KDM4A: variants seen among roughly 807,000 people sequenced by gnomAD.
The protein encoded by KDM4A is lysine demethylase 4A.
A neutral mutation model predicts 127.1 loss-of-function variants in KDM4A; 23 were observed. The observed-to-expected ratio is 0.18, with a 90% CI of 0.13 to 0.26. The LOEUF is 0.26. Among genes scored for constraint, KDM4A ranks in the 10% least tolerant of loss-of-function variants. The probability of loss-of-function intolerance (pLI) is 1.00; values close to 1 mark genes in which losing one functional copy is unlikely to be tolerated. For synonymous variants in KDM4A, 443 were observed against 466.5 expected (o/e 0.95, Z 0.65); for missense variants, 890 against 1,329.1 (o/e 0.67, Z 5.14).
rs1396514705 is a variant in KDM4A at position 43,691,580 on chromosome 1, A to T, written c.2319+8A>T. Reference sequence around the variant, plus strand: ...GCCAATGCCCTAGAGGAGGTGAGTGATCCCACACTGTTACTGTCTTCACCA... The same window carrying T: ...GCCAATGCCCTAGAGGAGGTGAGTGTTCCCACACTGTTACTGTCTTCACCA... On this transcript the variant is annotated splice_region_variant and intron_variant, in intron 15 of 21. Transcript: ENST00000372396. The T allele has an allele frequency of 3.1e-6, 5 of 1,610,946 alleles. No homozygotes were observed. The African/African-American group carries it at 5.4e-5, about 17-fold the overall frequency.
intron 18 of KDM4A, 106 bp from the exon 19 acceptor site, chr1:43,697,737 C>T: frequency 9.1e-7 from 1 of 1,102,264 alleles, no homozygotes; most frequent in East Asian, 2.4e-5. Flanking sequence ...TTTTACTTTC[C>T]CATGCTTATC....
intron 12 of KDM4A, 141 bp downstream of exon 12, chr1:43,683,945 A>G: frequency 1.1e-6 from 1 of 930,614 alleles, no homozygotes; most frequent in Non-Finnish European, 1.6e-6. Flanking sequence ...TAAAGAGAGG[A>G]CCGGATTTCC....
At chr1:43,655,847 T>A in intron 3 of KDM4A, 81 bp downstream of exon 3, 8 of 1,181,694 alleles carry the variant, frequency 6.8e-6, no homozygotes, top group Non-Finnish European at 9.4e-6. Context: ...GGACTGCTGC[T>A]GTCCTGATGA....
chr1:43,654,645 T>C (rs896227413), intron 2 of KDM4A, among the ~76,000 whole-genome samples: 6 of 151,962 alleles, frequency 3.9e-5, no homozygotes, highest in African/African-American at 1.5e-4. Flanking sequence ...AGAGTCTTGC[T>C]CCCTTTCCGT....
At chr1:43,652,905 A>G (rs1481267647) in intron 1 of KDM4A, among the ~76,000 whole-genome samples, 2 of 151,714 alleles carry the variant, frequency 1.3e-5, no homozygotes, top group Non-Finnish European at 2.9e-5. Flanking sequence ...GCTGGTCTCA[A>G]ACTTATGACC....
In KDM4A at chr1:43,654,190, G is replaced by A. The variant is rs1052156861; in HGVS notation, c.138+877G>A. ...GCAGTGCAGTTTTTCATAGCACATT[G>A]CTTTTTTTGGTTGTACTTTATTAGA... On this transcript the variant is annotated intron_variant, in intron 2 of 21. Coordinates refer to ENST00000372396, the MANE Select transcript of KDM4A (RefSeq NM_014663.3). 2.6e-5 allele frequency among the ~76,000 whole-genome samples: 4 copies of A among 152,242 alleles called. No homozygotes were observed. The East Asian group carries it at 5.8e-4, about 22-fold the overall frequency.
chr1:43,695,542 G>A (rs1180381937), intron 18 of KDM4A, among the ~76,000 whole-genome samples: 2 of 152,222 alleles, frequency 1.3e-5, no homozygotes, highest in South Asian at 4.1e-4. Flanking sequence ...TTGAGAGGCG[G>A]ACAACGGCAG....
intron 5 of KDM4A, among the ~76,000 whole-genome samples, chr1:43,665,198 A>G (rs998967512): frequency 6.6e-6 from 1 of 152,088 alleles, no homozygotes; most frequent in African/African-American, 2.4e-5. Context: ...TGTTGGGGAG[A>G]TAAAGGGAAA....
At chr1:43,653,439 G>C in intron 2 of KDM4A, 126 bp downstream of exon 2, 1 of 826,344 alleles carries the variant, frequency 1.2e-6, no homozygotes, top group Admixed American at 2.9e-5. Flanking sequence ...TAGTGAATGC[G>C]GTTCTATTTG....
chr1:43,653,802 G>A (rs963245159), intron 2 of KDM4A: 1 of 152,274 alleles, frequency 6.6e-6, no homozygotes, highest in Non-Finnish European at 1.5e-5. Flanking sequence ...TTTCTCCTGT[G>A]AGTTGGATTC....
At chr1:43,687,638 G>A (rs141220114) in intron 12 of KDM4A, among the ~76,000 whole-genome samples, 21 of 152,268 alleles carry the variant, frequency 1.4e-4, no homozygotes, top group African/African-American at 3.9e-4. Context: ...CAAAGACTGC[G>A]CTCATTTACT....
At chr1:43,681,824 T>C (rs959492866) in intron 11 of KDM4A, among the ~76,000 whole-genome samples, 3 of 152,206 alleles carry the variant, frequency 2.0e-5, no homozygotes, top group Admixed American at 1.3e-4. Flanking sequence ...AATATGCATA[T>C]GTGCATTAAT....
At chr1:43,692,120 G>A (rs1661131787) in intron 15 of KDM4A, 136 bp from the exon 16 acceptor site, 1 of 804,142 alleles carries the variant, frequency 1.2e-6, no homozygotes, top group Non-Finnish European at 2.2e-6. Flanking sequence ...TGCAGGGGCT[G>A]CCTGGGTGAA....
At chr1:43,676,885 T>C (rs1660752735) in intron 11 of KDM4A, among the ~76,000 whole-genome samples, 1 of 152,130 alleles carries the variant, frequency 6.6e-6, no homozygotes, top group African/African-American at 2.4e-5. Flanking sequence ...TACAATAGAT[T>C]ATTGTAAACT....
At chr1:43,669,436 A>C in intron 10 of KDM4A, 137 bp downstream of exon 10, 2 of 880,866 alleles carry the variant, frequency 2.3e-6, no homozygotes, top group Non-Finnish European at 3.7e-6. Context: ...TTGGAGTGTG[A>C]GAAGTGCTTT....
chr1:43,664,298 G>A (rs1016305249), intron 5 of KDM4A, among the ~76,000 whole-genome samples: 1 of 152,174 alleles, frequency 6.6e-6, no homozygotes, highest in African/African-American at 2.4e-5. Flanking sequence ...CAGGCGTGGT[G>A]GCTCACACCT....
chr1:43,665,857 C>A, intron 6 of KDM4A, 112 bp downstream of exon 6: 1 of 1,111,318 alleles, frequency 9.0e-7, no homozygotes, highest in Non-Finnish European at 1.4e-6. Flanking sequence ...CTGTTGCAGG[C>A]CTGCAGACGG....
chr1:43,665,610 T>G, intron 5 of KDM4A, 86 bp from the exon 6 acceptor site: 3 of 1,268,946 alleles, frequency 2.4e-6, no homozygotes, highest in Non-Finnish European at 3.4e-6. Context: ...AATCTGCTAT[T>G]TCAAGGTGTT....
At chr1:43,662,239 T>G (rs1327344309) in intron 4 of KDM4A, among the ~76,000 whole-genome samples, 2 of 139,928 alleles carry the variant, frequency 1.4e-5, no homozygotes, top group Non-Finnish European at 2.9e-5. Flanking sequence ...TTTTTTTTTG[T>G]GGTCATAGAG....
Sources: gnomAD v4.1 joint callset for allele counts (sites outside exome capture counted in the v4.1 genomes callset) on GRCh38, gnomAD v4.1.1 for gene constraint, MANE v1.5 for transcripts, NCBI Gene and HGNC (gene_info 2026-07-23, HGNC 2026-07-21) for gene names.